The following DCDC1 variants were observed in gnomAD, a reference collection of about 807,000 sequenced individuals.
The protein encoded by DCDC1 is doublecortin domain containing 1.
Under a neutral mutation model 178.3 loss-of-function variants are expected in DCDC1, and 200 were observed. That is an observed-to-expected ratio of 1.12 (90% CI 1.00 to 1.26). DCDC1 has a LOEUF of 1.26. Ranked by LOEUF, DCDC1 falls within the 50% of genes most tolerant of loss-of-function variation. The pLI, the probability that DCDC1 is intolerant of heterozygous loss-of-function variation, is 0.00. For synonymous variants in DCDC1, 690 were observed against 604.8 expected, an observed-to-expected ratio of 1.14 and a Z score of -2.07; for missense variants, 1,983 against 1,749.2, an observed-to-expected ratio of 1.13 and a Z score of -2.38.
chr11:31,367,361 T>C (rs1952014698), intron 1 of DCDC1, among the ~76,000 whole-genome samples: 1 of 152,200 alleles, frequency 6.6e-6, no homozygotes, highest in Non-Finnish European at 1.5e-5. Flanking sequence ...GAAGTGTCCA[T>C]TTCTATGTTT....
chr11:30,969,930 C>T (rs1308057574), intron 20 of DCDC1, among the ~76,000 whole-genome samples: 1 of 152,100 alleles, frequency 6.6e-6, no homozygotes, highest in Non-Finnish European at 1.5e-5. Context: ...GTATTTGCCT[C>T]CTTCACAAAG....
At chr11:31,312,316 G>C (rs1948819278) in intron 3 of DCDC1, among the ~76,000 whole-genome samples, 1 of 152,102 alleles carries the variant, frequency 6.6e-6, no homozygotes, top group African/African-American at 2.4e-5. Flanking sequence ...CCTCACAACA[G>C]CCCTGTATTA....
intron 9 of DCDC1, among the ~76,000 whole-genome samples, chr11:31,229,092 A>G (rs958260483): frequency 6.6e-6 from 1 of 152,264 alleles, no homozygotes; most frequent in East Asian, 1.9e-4. Context: ...TATGTCTACT[A>G]AAAAAAATTT....
chr11:31,238,358 G>A (rs1565481505), intron 9 of DCDC1, among the ~76,000 whole-genome samples: 1 of 152,050 alleles, frequency 6.6e-6, no homozygotes, highest in Non-Finnish European at 1.5e-5. Flanking sequence ...CTCTATGTGG[G>A]ATGATAAATA....
intron 9 of DCDC1, among the ~76,000 whole-genome samples, chr11:31,213,187 TGCTGTCCTCCAA>T (rs566830385): frequency 1.4e-5 from 2 of 138,202 alleles, no homozygotes; most frequent in South Asian, 4.9e-4. Context: ...GGCAGTGGTT[TGCTGTCCTCCAA>T]GAAAGGCATG....
At chr11:31,262,718 T>A (rs549335094) in intron 8 of DCDC1, 210 of 209,284 alleles carry the variant, frequency 1.0e-3, no homozygotes, top group Non-Finnish European at 1.6e-3. Flanking sequence ...CAGAAAACCA[T>A]CCAACACAAA....
At chr11:31,000,066 T>C (rs957814003) in intron 20 of DCDC1, among the ~76,000 whole-genome samples, 1 of 152,110 alleles carries the variant, frequency 6.6e-6, no homozygotes, top group African/African-American at 2.4e-5. Flanking sequence ...CCATTGTCAG[T>C]TGCAAGGGAA....
intron 15 of DCDC1, among the ~76,000 whole-genome samples, chr11:31,095,741 C>G (rs1355811785): frequency 2.6e-5 from 4 of 152,180 alleles, no homozygotes; most frequent in African/African-American, 9.6e-5. Flanking sequence ...GCATTGCTCA[C>G]TTAGACCTAA....
intron 9 of DCDC1, among the ~76,000 whole-genome samples, chr11:31,179,816 A>G (rs1299503922): frequency 4.6e-5 from 7 of 152,200 alleles, no homozygotes; most frequent in Admixed American, 1.3e-4. Flanking sequence ...AAAACCAGAC[A>G]AAGACACAAC....
chr11:31,051,431 C>A (rs1955240259), intron 20 of DCDC1, among the ~76,000 whole-genome samples: 1 of 152,160 alleles, frequency 6.6e-6, no homozygotes, highest in South Asian at 2.1e-4. Context: ...ACTTCCCCAG[C>A]CTTGTGAGAG....
At chr11:30,884,317 C>T (rs987526582) in intron 36 of DCDC1, among the ~76,000 whole-genome samples, 13 of 151,938 alleles carry the variant, frequency 8.6e-5, no homozygotes, top group Non-Finnish European at 1.5e-4. Flanking sequence ...AGGCATGGGC[C>T]AATATACTCG....
intron 9 of DCDC1, among the ~76,000 whole-genome samples, chr11:31,172,621 C>T (rs529293405): frequency 6.6e-6 from 1 of 152,244 alleles, no homozygotes; most frequent in Non-Finnish European, 1.5e-5. Context: ...AGTCAATTAA[C>T]TCATATTTTT....
intron 3 of DCDC1, 67 bp downstream of exon 3, chr11:31,328,050 A>G (rs1436397175): frequency 1.2e-5 from 18 of 1,450,116 alleles, no homozygotes; most frequent in Non-Finnish European, 1.7e-5. Context: ...GAAAATTTAA[A>G]CTACTTTCTA....
chr11:31,261,365 G>C (rs1379749155), intron 8 of DCDC1, among the ~76,000 whole-genome samples: 1 of 152,072 alleles, frequency 6.6e-6, no homozygotes, highest in Non-Finnish European at 1.5e-5. Flanking sequence ...CCATATCCCT[G>C]TTATTTTGGT....
intron 8 of DCDC1, among the ~76,000 whole-genome samples, chr11:31,255,380 T>C (rs1268615772): frequency 1.3e-5 from 2 of 152,142 alleles, no homozygotes; most frequent in African/African-American, 4.8e-5. Flanking sequence ...ATCAAATTGT[T>C]TTCCAAAGTG....
intron 20 of DCDC1, among the ~76,000 whole-genome samples, chr11:31,013,546 C>T (rs922684757): frequency 1.3e-5 from 2 of 152,054 alleles, no homozygotes; most frequent in Non-Finnish European, 2.9e-5. Flanking sequence ...ATTACTTTAC[C>T]ATAAAAAAGG....
At chr11:31,348,966 A>G (rs889996541) in intron 1 of DCDC1, among the ~76,000 whole-genome samples, 2 of 152,234 alleles carry the variant, frequency 1.3e-5, no homozygotes, top group Non-Finnish European at 2.9e-5. Context: ...TCTACAATGC[A>G]ATAGTTATAT....
chr11:31,108,399 T>C (rs546890531), intron 12 of DCDC1, among the ~76,000 whole-genome samples: 3 of 152,230 alleles, frequency 2.0e-5, no homozygotes, highest in South Asian at 2.1e-4. Flanking sequence ...TTGAAATCTA[T>C]AGATTGTATT....
At chr11:30,972,667 AAG>A (rs1327824939) in intron 20 of DCDC1, among the ~76,000 whole-genome samples, 1 of 152,216 alleles carries the variant, frequency 6.6e-6, no homozygotes, top group Non-Finnish European at 1.5e-5. Flanking sequence ...AAAACAAAAA[AAG>A]AATTAATAAA....
Sources: allele counts gnomAD v4.1 joint callset (sites outside exome capture counted in the v4.1 genomes callset), GRCh38; gene constraint gnomAD v4.1.1; transcripts MANE v1.5; gene names NCBI Gene and HGNC (gene_info 2026-07-23, HGNC 2026-07-21).